PCOLCE: variants seen among roughly 807,000 people sequenced by gnomAD.
The protein encoded by PCOLCE is procollagen C-endopeptidase enhancer 1.
In PCOLCE, 33 loss-of-function variants were observed where a neutral mutation model predicts 47.2. That is an observed-to-expected ratio of 0.70 (90% CI 0.53 to 0.93). PCOLCE has a LOEUF of 0.93. Ranked by LOEUF, PCOLCE falls within the 40% of genes least tolerant of loss-of-function variation. PCOLCE has a pLI of 0.00. For missense variants in PCOLCE, 584 were observed against 585.3 expected, an observed-to-expected ratio of 1.00 and a Z score of 0.02; for synonymous variants, 254 against 252.5, an observed-to-expected ratio of 1.01 and a Z score of -0.06.
chr7:100,607,394 G>A, intron 6 of PCOLCE, 58 bp from the exon 7 acceptor site: 1 of 1,353,832 alleles, frequency 7.4e-7, no homozygotes, highest in Non-Finnish European at 1.1e-6. Flanking sequence ...GGCTGTTATG[G>A]GGACAGTGCT....
At position 100,602,596 on chromosome 7, in the gene PCOLCE, C is replaced by G. The variant is rs768953337; in HGVS notation, c.95+45C>G. 11 of 1,231,580 alleles carry G rather than the reference C, an allele frequency of 8.9e-6. No homozygotes were observed. The South Asian group carries it at 1.1e-4, about 12-fold the overall frequency. 76.3% of individuals were successfully genotyped at this position (1,231,580 alleles called of 1,614,324 possible). A position where few individuals can be genotyped will look rare whatever the true frequency, so the allele number is the denominator to read the frequency against. ...CCAGACAGCTCCAGTGAACTTCAGA[C>G]CCCCGATTCCTTTGGGGTTATGCCT... is the stretch of plus-strand genomic sequence containing the variant. On this transcript the variant is annotated intron_variant, in intron 1 of 8. Coordinates refer to ENST00000223061, the MANE Select transcript of PCOLCE (RefSeq NM_002593.4).
intron 6 of PCOLCE, among the ~76,000 whole-genome samples, chr7:100,607,229 C>T (rs545398977): frequency 6.6e-6 from 1 of 152,182 alleles, no homozygotes; most frequent in South Asian, 2.1e-4. Context: ...GGCAACAGAG[C>T]AAAACTCCAT....
chr7:100,603,343 T>C (rs536422704), intron 1 of PCOLCE, 87 bp from the exon 2 acceptor site: 5 of 691,896 alleles, frequency 7.2e-6, no homozygotes, highest in Admixed American at 2.6e-5. Context: ...CCTTGGAGTT[T>C]CATCCTCATC....
rs965466954 is a variant in PCOLCE, at chr7:100,605,111, C to A, written c.484C>A (p.Arg162=). 6.2e-7 allele frequency: 1 copy of A among 1,611,668 alleles called. No homozygotes were observed. The highest frequency in any genetic ancestry group is 1.7e-5 in the Admixed American group (1 of 59,950). ...CCCAGAGCACCAATTTTGCGGGGGG[C>A]GGCTGGAGAAGGCCCAGGGAACCCT... ...SGTEHQFCGG[R]LEKAQGTLTT... The change falls in exon 4 of 9, where the codon CGG becomes AGG. Residue 162 remains arginine (R), a synonymous_variant. Coordinates refer to ENST00000223061, the MANE Select transcript of PCOLCE (RefSeq NM_002593.4). The surrounding 1 kb of genome is among the most constrained non-coding windows in gnomAD (Gnocchi z 6.1).
rs1802678283 is a variant in PCOLCE, at chr7:100,604,592, AC to A, written c.463+379del. ...GGGCTGGGGGGACTAGGTTCCTCCA[AC>A]CCCGGGGGGCCCCTACACCCAGCCC... is the stretch of plus-strand genomic sequence containing the variant. On this transcript the variant is annotated intron_variant, in intron 3 of 8. Coordinates refer to ENST00000223061, the MANE Select transcript of PCOLCE (RefSeq NM_002593.4). This position sits in a 1 kb window ranked among gnomAD's most constrained non-coding sequence, Gnocchi z 6.4. The A allele has an allele frequency of 2.2e-5, 8 of 355,886 alleles. No individual in the cohort carries two copies. Among genetic ancestry groups the A allele is most frequent in the Admixed American group, 9.1e-5 (2 of 21,902 alleles). 22.0% of individuals were successfully genotyped at this position (355,886 alleles called of 1,614,324 possible).
chr7:100,604,889 G>A lies in PCOLCE; in HGVS notation c.464-202G>A. On this transcript the variant is annotated intron_variant, in intron 3 of 8. Coordinates refer to ENST00000223061, the MANE Select transcript of PCOLCE (RefSeq NM_002593.4). The surrounding 1 kb of genome is among the most constrained non-coding windows in gnomAD (Gnocchi z 6.4). ...CTTCCACCGCCCGCCAGTGCGCCCT[G>A]CGGCCCCAGACTTCCCCGAGCCGCG... is the stretch of plus-strand genomic sequence containing the variant. 1 of 523,572 alleles carries A rather than the reference G, an allele frequency of 1.9e-6. No homozygotes were observed. The highest frequency in any genetic ancestry group is 3.4e-6 in the Non-Finnish European group (1 of 292,496). The allele number at this position is 523,572 out of a possible 1,614,324, so 32.4% of individuals were successfully genotyped here.
chr7:100,602,797 A>C (rs1802635131), intron 1 of PCOLCE: 1 of 547,524 alleles, frequency 1.8e-6, no homozygotes, highest in Non-Finnish European at 3.2e-6. Flanking sequence ...CCACCCACCC[A>C]GATCCTTGAC....
chr7:100,604,880 G>T lies in PCOLCE; in HGVS notation c.464-211G>T. The T allele has an allele frequency of 1.9e-5, 10 of 523,630 alleles. No individual in the cohort carries two copies. In the South Asian group the frequency reaches 2.6e-4, roughly 14 times the overall value. The allele number at this position is 523,630 out of a possible 1,614,324, so 32.4% of individuals were successfully genotyped here. Reference sequence around the variant, plus strand: ...CTCCTCCCGCTTCCACCGCCCGCCAGTGCGCCCTGCGGCCCCAGACTTCCC... The same window carrying T: ...CTCCTCCCGCTTCCACCGCCCGCCATTGCGCCCTGCGGCCCCAGACTTCCC... On this transcript the variant is annotated intron_variant, in intron 3 of 8. Coordinates refer to ENST00000223061, the MANE Select transcript of PCOLCE (RefSeq NM_002593.4). The surrounding 1 kb of genome is among the most constrained non-coding windows in gnomAD (Gnocchi z 6.4).
chr7:100,604,106 G>C lies in PCOLCE; in HGVS notation c.352G>C (p.Ala118Pro), dbSNP rs1205491945. 1.2e-6 allele frequency: 2 copies of C among 1,611,242 alleles called. No individual in the cohort carries two copies. Among genetic ancestry groups the C allele is most frequent in the Admixed American group, 1.7e-5 (1 of 60,022 alleles). The change falls in exon 3 of 9, where the codon GCG (alanine) becomes CCG (proline). Residue 118 changes from alanine to proline, a missense_variant. Ala to Pro is a conservative substitution (Grantham distance 27). Coordinates refer to ENST00000223061, the MANE Select transcript of PCOLCE (RefSeq NM_002593.4). This position sits in a 1 kb window ranked among gnomAD's most constrained non-coding sequence, Gnocchi z 6.4. ...ACGCTTTTGTGGGACCTTCCGGCCT[G>C]CGCCCCTAGTCGCCCCCGGCAACCA... ...LGRFCGTFRPAPLVAPGNQVT... is the reference protein window; with the variant it reads ...LGRFCGTFRPPPLVAPGNQVT...
At position 100,606,444 on chromosome 7, in the gene PCOLCE, C is replaced by T. The variant is rs758180510; in HGVS notation, c.754C>T (p.Leu252Phe). 6.2e-6 allele frequency: 10 copies of T among 1,613,906 alleles called. No homozygotes were observed. The highest frequency in any genetic ancestry group is 5.3e-5 in the African/African-American group (4 of 74,934). The change falls in exon 6 of 9, where the codon CTC becomes TTC. Residue 252 changes from leucine to phenylalanine, a missense_variant. Leu to Phe is a conservative substitution (Grantham distance 22, BLOSUM62 0). Transcript: ENST00000223061. ...GSISSEGNEL[L>F]VQFVSDLSVT... Reference sequence around the variant, plus strand: ...CATCTCCTCCGAAGGGAATGAACTCCTCGTCCAGTTCGTCTCAGATCTCAG... The same window carrying T: ...CATCTCCTCCGAAGGGAATGAACTCTTCGTCCAGTTCGTCTCAGATCTCAG...
intron 8 of PCOLCE, 28 bp from the exon 9 acceptor site, chr7:100,607,909 G>T (rs1300315409): frequency 6.2e-7 from 1 of 1,613,654 alleles, no homozygotes; most frequent in South Asian, 1.1e-5. Context: ...AAGAATAAGA[G>T]ATCTCAACCC....
In PCOLCE at chr7:100,606,550, A is replaced by G. The variant is rs1393350741; in HGVS notation, c.860A>G (p.Lys287Arg). Residue 287 changes from lysine (K) to arginine (R), a missense_variant, in exon 6 of 9, where the codon AAA becomes AGA. By Grantham distance (26) the Lys-to-Arg change is conservative. Coordinates refer to ENST00000223061, the MANE Select transcript of PCOLCE (RefSeq NM_002593.4). ...TAKEGQGPGP[K>R]RGTEPKVKLP... Reference sequence around the variant, plus strand: ...AAAGAAGGGCAAGGGCCCGGCCCCAAACGGGGAACTGAGCCTAAAGTCAAG... The same window carrying G: ...AAAGAAGGGCAAGGGCCCGGCCCCAGACGGGGAACTGAGCCTAAAGTCAAG... The G allele has an allele frequency of 6.2e-7, 1 of 1,614,086 alleles. No homozygotes were observed. Among genetic ancestry groups the G allele is most frequent in the Non-Finnish European group, 8.5e-7 (1 of 1,180,010 alleles).
rs1802695799 is a variant in PCOLCE at position 100,605,379 on chromosome 7, A to G, written c.588+164A>G. ...CCTGCATGCACGCAAACAAAAATGT[A>G]AAAATTACAACTGAGACAAGTCTCA... On this transcript the variant is annotated intron_variant, in intron 4 of 8. Transcript: ENST00000223061. This position sits in a 1 kb window ranked among gnomAD's most constrained non-coding sequence, Gnocchi z 6.1. 5.4e-6 allele frequency: 4 copies of G among 734,844 alleles called. No individual in the cohort carries two copies. The highest frequency in any genetic ancestry group is 5.9e-5 in the Admixed American group (2 of 33,890). 45.5% of individuals were successfully genotyped at this position (734,844 alleles called of 1,614,324 possible). A position where few individuals can be genotyped will look rare whatever the true frequency, so the allele number is the denominator to read the frequency against.
rs1363295091 is a variant in PCOLCE, at chr7:100,604,007, G to T, written c.253G>T (p.Glu85Ter). Residue 85 changes from glutamate to a stop codon, truncating the protein, a stop_gained, in exon 3 of 9, where the codon GAG becomes TAG. Transcript: ENST00000223061. LOFTEE classifies it high-confidence loss of function. The surrounding 1 kb of genome is among the most constrained non-coding windows in gnomAD (Gnocchi z 6.4). ...VSLSFRVFDL[E>*]LHPACRYDAL... The stretch of plus-strand genomic sequence containing the variant: ...CCTCTCATTCCGAGTCTTCGACCTG[G>T]AGCTGCACCCCGCCTGCCGCTACGA... The T allele has an allele frequency of 6.2e-7, 1 of 1,604,568 alleles. No homozygotes were observed. Among genetic ancestry groups the T allele is most frequent in the East Asian group, 2.2e-5 (1 of 44,876 alleles).
Position 100,604,161 on chromosome 7 carries a change from G to C in PCOLCE, c.407G>C (p.Gly136Ala). ...ACCCTGAGGATGACGACGGATGAGGGCACAGGAGGACGAGGCTTCCTGCTC... is the reference window on the plus strand; with the variant it reads ...ACCCTGAGGATGACGACGGATGAGGCCACAGGAGGACGAGGCTTCCTGCTC... ...QVTLRMTTDEGTGGRGFLLWY... is the reference protein window; with the variant it reads ...QVTLRMTTDEATGGRGFLLWY... Residue 136 changes from glycine (G) to alanine (A), a missense_variant, in exon 3 of 9, where the codon GGC (glycine) becomes GCC (alanine). By Grantham distance (60) the Gly-to-Ala change is moderately conservative. Coordinates refer to ENST00000223061, the MANE Select transcript of PCOLCE (RefSeq NM_002593.4). This position sits in a 1 kb window ranked among gnomAD's most constrained non-coding sequence, Gnocchi z 6.4. 6.2e-7 allele frequency: 1 copy of C among 1,613,280 alleles called. No homozygotes were observed. Among genetic ancestry groups the C allele is most frequent in the Non-Finnish European group, 8.5e-7 (1 of 1,179,968 alleles).
chr7:100,603,963 C>A lies in PCOLCE; in HGVS notation c.209C>A (p.Pro70His). The part of the protein sequence containing the change: ...NKECIWTITV[P>H]EGQTVSLSFR... ...CGCCTCTGTCCCCGCTATCAGGTCC[C>A]CGAGGGCCAGACTGTGTCCCTCTCA... Residue 70 changes from proline to histidine, a missense_variant, in exon 3 of 9, where the codon CCC becomes CAC. By Grantham distance (77) the Pro-to-His change is moderately conservative. Coordinates refer to ENST00000223061, the MANE Select transcript of PCOLCE (RefSeq NM_002593.4). 1 of 1,601,004 alleles carries A rather than the reference C, an allele frequency of 6.2e-7. No homozygotes were observed. The highest frequency in any genetic ancestry group is 1.1e-5 in the South Asian group (1 of 91,066).
In PCOLCE at chr7:100,605,343, CA is replaced by C; in HGVS notation, c.588+129del. On this transcript the variant is annotated intron_variant, in intron 4 of 8. Coordinates refer to ENST00000223061, the MANE Select transcript of PCOLCE (RefSeq NM_002593.4). The surrounding 1 kb of genome is among the most constrained non-coding windows in gnomAD (Gnocchi z 6.1). ...CGCTTGCGCTGGTGGGCACCCAAAA[CA>C]GCCCCAACCCCTGCATGCACGCAAA... is the stretch of plus-strand genomic sequence containing the variant. The C allele has an allele frequency of 1.1e-6, 1 of 908,306 alleles. No individual in the cohort carries two copies. Among genetic ancestry groups the C allele is most frequent in the Non-Finnish European group, 1.7e-6 (1 of 605,578 alleles). The allele number at this position is 908,306 out of a possible 1,614,324, so 56.3% of individuals were successfully genotyped here. A position where few individuals can be genotyped will look rare whatever the true frequency, so the allele number is the denominator to read the frequency against.
At chr7:100,606,760 C>A in intron 6 of PCOLCE, 130 bp downstream of exon 6, 2 of 680,158 alleles carry the variant, frequency 2.9e-6, no homozygotes, top group African/African-American at 1.8e-5. Flanking sequence ...ATCGCTTAAG[C>A]CTAGGAGTTT....
rs1322317438 is a variant in PCOLCE at position 100,604,185 on chromosome 7, T to C, written c.431T>C (p.Leu144Pro). ...GGCACAGGAGGACGAGGCTTCCTGC[T>C]CTGGTACAGCGGGCGGGCCACCTCG... ...DEGTGGRGFLLWYSGRATSGT... is the reference protein window; with the variant it reads ...DEGTGGRGFLPWYSGRATSGT... The change falls in exon 3 of 9, where the codon CTC becomes CCC. Residue 144 changes from leucine (L) to proline (P), a missense_variant. Leu to Pro is a moderately conservative substitution (Grantham distance 98, BLOSUM62 -3). Transcript: ENST00000223061. The surrounding 1 kb of genome is among the most constrained non-coding windows in gnomAD (Gnocchi z 6.4). The C allele has an allele frequency of 1.2e-6, 2 of 1,612,868 alleles. No homozygotes were observed. The highest frequency in any genetic ancestry group is 1.3e-5 in the African/African-American group (1 of 74,870).
Sources: allele counts gnomAD v4.1 joint callset (sites outside exome capture counted in the v4.1 genomes callset), GRCh38; gene constraint gnomAD v4.1.1; non-coding constraint Gnocchi (gnomAD v3.1); transcripts MANE v1.5; gene names NCBI Gene and HGNC (gene_info 2026-07-23, HGNC 2026-07-21).